BACH1: variants seen among roughly 807,000 people sequenced by gnomAD.
BACH1 encodes the protein transcription regulator protein BACH1.
In BACH1, 35 loss-of-function variants were observed where a neutral mutation model predicts 52.9. That is an observed-to-expected ratio of 0.66 (90% CI 0.51 to 0.88). BACH1 has a LOEUF of 0.88. Ranked by LOEUF, BACH1 falls within the 40% of genes least tolerant of loss-of-function variation. The probability of loss-of-function intolerance (pLI) is 0.00; values close to 1 mark genes in which losing one functional copy is unlikely to be tolerated. For synonymous variants in BACH1, 321 were observed against 319.6 expected, an observed-to-expected ratio of 1.00 and a Z score of -0.05; for missense variants, 808 against 872.6, an observed-to-expected ratio of 0.93 and a Z score of 0.93.
At chr21:29,317,808 C>A (rs2088805456) in intron 1 of BACH1, among the ~76,000 whole-genome samples, 1 of 152,042 alleles carries the variant, frequency 6.6e-6, no homozygotes, top group Admixed American at 6.6e-5. Flanking sequence ...TGCTGTGAAC[C>A]CTTTTCCCAC....
chr21:29,309,288 A>G (rs1457082737), intron 1 of BACH1, among the ~76,000 whole-genome samples: 3 of 151,872 alleles, frequency 2.0e-5, no homozygotes, highest in Non-Finnish European at 4.4e-5. Flanking sequence ...GATTCACCAA[A>G]TATTGATTAA....
rs190233576 is a variant in BACH1 at position 29,328,624 on chromosome 21, G to T, written c.1570-863G>T. ...TACGATACAGTATTGTTAAGTATAA[G>T]CACAATATTGTACAGCAGATCTCTA... On this transcript the variant is annotated intron_variant, in intron 3 of 4. Coordinates refer to ENST00000286800, the MANE Select transcript of BACH1 (RefSeq NM_001186.4). Among the ~76,000 whole-genome samples, 365 of 152,120 alleles carry T rather than the reference G, an allele frequency of 2.4e-3. 1 individual carries two copies. The highest frequency in any genetic ancestry group is 6.6e-3 in the African/African-American group (272 of 41,484).
At chr21:29,359,211 T>C (rs1327814602) in intron 2 of BACH1, 1 of 152,146 alleles carries the variant, frequency 6.6e-6, no homozygotes, top group African/African-American at 2.4e-5. Flanking sequence ...CAAACTAAGA[T>C]TTGACACTGT....
At chr21:29,309,106 A>C (rs979252710) in intron 1 of BACH1, among the ~76,000 whole-genome samples, 1 of 152,086 alleles carries the variant, frequency 6.6e-6, no homozygotes, top group African/African-American at 2.4e-5. Flanking sequence ...AAAAATATGA[A>C]AATTATCTGG....
intron 4 of BACH1, among the ~76,000 whole-genome samples, chr21:29,331,993 C>T (rs905934448): frequency 6.6e-5 from 10 of 152,096 alleles, no homozygotes; most frequent in Admixed American, 2.0e-4. Context: ...TTCCGCTTCC[C>T]GGGTTCAAGC....
chr21:29,340,606 A>T (rs2089100144), intron 4 of BACH1, among the ~76,000 whole-genome samples: 1 of 152,256 alleles, frequency 6.6e-6, no homozygotes, highest in Non-Finnish European at 1.5e-5. Flanking sequence ...AAGACCAACC[A>T]GCAGTTGAAA....
At chr21:29,350,306 C>A (rs996529423), downstream of BACH1, among the ~76,000 whole-genome samples, 12 of 152,242 alleles carry the variant, frequency 7.9e-5, no homozygotes, top group Admixed American at 7.8e-4. Flanking sequence ...TGCCGCCCTG[C>A]CAAATGTTGG....
At chr21:29,351,802 T>C (rs2089203862) in intron 2 of BACH1, 1 of 528,092 alleles carries the variant, frequency 1.9e-6, no homozygotes, top group African/African-American at 1.9e-5. Context: ...AGCACATAGC[T>C]GCTAAGATAA....
chr21:29,332,736 CT>C (rs1427612225), intron 4 of BACH1, among the ~76,000 whole-genome samples: 2 of 152,224 alleles, frequency 1.3e-5, no homozygotes, highest in African/African-American at 4.8e-5. Context: ...TCTCCAGGGA[CT>C]AATCCAGTCA....
At position 29,344,836 on chromosome 21, in the gene BACH1, A is replaced by G. The variant is rs567955844; in HGVS notation, c.*2003A>G. On this transcript the variant is annotated 3_prime_UTR_variant, in exon 5 of 5. Coordinates refer to ENST00000286800, the MANE Select transcript of BACH1 (RefSeq NM_001186.4). ...TTCCTACCTCAGTGTACACCCAACT[A>G]TTGGTTGTATCAGTTTGTGTATGTG... 2 of 152,622 alleles carry G rather than the reference A, an allele frequency of 1.3e-5. No homozygotes were observed. The highest frequency in any genetic ancestry group is 4.1e-4 in the South Asian group (2 of 4,826). The allele number at this position is 152,622 out of a possible 1,614,324, so 9.5% of individuals were successfully genotyped here. A position where few individuals can be genotyped will look rare whatever the true frequency, so the allele number is the denominator to read the frequency against.
rs76385363 is a variant in BACH1, at chr21:29,301,840, G to T, written c.-61+2887G>T. Among the ~76,000 whole-genome samples the T allele has an allele frequency of 3.5e-3, 532 of 152,214 alleles. 5 individuals carry two copies. The highest frequency in any genetic ancestry group is 0.012 in the African/African-American group (509 of 41,518). Reference sequence around the variant, plus strand: ...TAAGATTAATAAGACGACATATTCAGTAAATCCCTTGGGAAGTGGCATTTA... The same window carrying T: ...TAAGATTAATAAGACGACATATTCATTAAATCCCTTGGGAAGTGGCATTTA... On this transcript the variant is annotated intron_variant, in intron 1 of 4. Transcript: ENST00000286800.
chr21:29,300,237 T>C (rs1036583579), intron 1 of BACH1: 2 of 152,214 alleles, frequency 1.3e-5, no homozygotes, highest in Non-Finnish European at 2.9e-5. Context: ...GTTTAACCTA[T>C]GTTTCTGTCA....
At chr21:29,323,523 C>T (rs915672922) in intron 2 of BACH1, among the ~76,000 whole-genome samples, 3 of 152,122 alleles carry the variant, frequency 2.0e-5, no homozygotes, top group Non-Finnish European at 4.4e-5. Context: ...AGTCACCTAT[C>T]CCACCTTTTT....
rs761929178 is a variant in BACH1, at chr21:29,342,607, G to C, written c.1985G>C (p.Gly662Ala). Residue 662 changes from glycine (G) to alanine (A), a missense_variant, in exon 5 of 5, where the codon GGT (glycine) becomes GCT (alanine). Coordinates refer to ENST00000286800, the MANE Select transcript of BACH1 (RefSeq NM_001186.4). ...GAAAAAGATAAAAGTACTCCTGATG[G>C]TGAACTGGCGTTACCATCAATTTTC... ...ISEKDKSTPDGELALPSIFSL... is the reference protein window; with the variant it reads ...ISEKDKSTPDAELALPSIFSL... 1 of 1,614,186 alleles carries C rather than the reference G, an allele frequency of 6.2e-7. No individual in the cohort carries two copies. Among genetic ancestry groups the C allele is most frequent in the South Asian group, 1.1e-5 (1 of 91,080 alleles).
intron 4 of BACH1, among the ~76,000 whole-genome samples, chr21:29,334,392 T>C (rs75735178): frequency 0.044 from 6,716 of 152,272 alleles, 490 homozygotes; most frequent in African/African-American, 0.15. Flanking sequence ...GCCACTGCGC[T>C]CGGCCGACTT....
chr21:29,341,370 A>G (rs1181600111), intron 4 of BACH1, among the ~76,000 whole-genome samples: 2 of 152,234 alleles, frequency 1.3e-5, no homozygotes, highest in Non-Finnish European at 2.9e-5. Flanking sequence ...TTTCATAAGA[A>G]AAACGTTTGA....
chr21:29,327,287 A>T lies in BACH1; in HGVS notation c.1463A>T (p.Gln488Leu). ...IGNDDYVSEP[Q>L]QEPCPYACVI... ...AACGATGATTATGTTTCAGAACCCC[A>T]GCAAGAACCTTGCCCATATGCTTGT... The change falls in exon 3 of 5, where the codon CAG becomes CTG. Residue 488 changes from glutamine (Q) to leucine (L), a missense_variant. Physicochemically the swap from Gln to Leu is moderately radical, Grantham distance 113. Coordinates refer to ENST00000286800, the MANE Select transcript of BACH1 (RefSeq NM_001186.4). 1.2e-6 allele frequency: 2 copies of T among 1,614,238 alleles called. No individual in the cohort carries two copies. The highest frequency in any genetic ancestry group is 1.7e-6 in the Non-Finnish European group (2 of 1,180,044).
chr21:29,333,218 T>C (rs1046201682), intron 4 of BACH1, among the ~76,000 whole-genome samples: 7 of 152,228 alleles, frequency 4.6e-5, no homozygotes, highest in African/African-American at 1.7e-4. Flanking sequence ...AAGATAGTTA[T>C]TATGGTAAGA....
chr21:29,331,299 C>G (rs2123457145), intron 4 of BACH1, among the ~76,000 whole-genome samples: 1 of 152,278 alleles, frequency 6.6e-6, no homozygotes, highest in East Asian at 1.9e-4. Flanking sequence ...TTTTCTTGCT[C>G]TTTCTCGTCT....
Sources: gnomAD v4.1 joint callset for allele counts (sites outside exome capture counted in the v4.1 genomes callset) on GRCh38, gnomAD v4.1.1 for gene constraint, MANE v1.5 for transcripts, NCBI Gene and HGNC (gene_info 2026-07-23, HGNC 2026-07-21) for gene names.